Variants in MCTP1 observed in about 807,000 individuals in gnomAD.
MCTP1 encodes the protein multiple C2 and transmembrane domain-containing protein 1.
MCTP1 carries 69 observed loss-of-function variants against 120.6 expected under a neutral mutation model. The observed-to-expected ratio is 0.57, with a 90% CI of 0.47 to 0.70. The LOEUF (loss-of-function observed/expected upper bound fraction) is 0.70, where lower values mean the gene tolerates loss of function less well. Among genes scored for constraint, MCTP1 ranks in the 30% least tolerant of loss-of-function variants. The pLI, the probability that MCTP1 is intolerant of heterozygous loss-of-function variation, is 0.00. For synonymous variants in MCTP1, 529 were observed against 493.1 expected, an observed-to-expected ratio of 1.07 and a Z score of -0.96; for missense variants, 1,203 against 1,248.8, an observed-to-expected ratio of 0.96 and a Z score of 0.55.
At chr5:94,725,399 G>A (rs1163544214) in intron 19 of MCTP1, among the ~76,000 whole-genome samples, 1 of 152,188 alleles carries the variant, frequency 6.6e-6, no homozygotes, top group Admixed American at 6.5e-5. Flanking sequence ...GAATACCAAA[G>A]CTTGAGTGAG....
At chr5:95,270,931 CA>C (rs10655109) in intron 1 of MCTP1, among the ~76,000 whole-genome samples, 7 of 145,566 alleles carry the variant, frequency 4.8e-5, no homozygotes, top group Non-Finnish European at 9.0e-5. Context: ...CTCTCTCTCT[CA>C]AAAAAAAAAT....
chr5:95,080,249 G>T (rs1014864055), intron 1 of MCTP1, among the ~76,000 whole-genome samples: 3 of 152,112 alleles, frequency 2.0e-5, no homozygotes, highest in African/African-American at 7.2e-5. Context: ...TGTGGCAATG[G>T]CTAAGAAATT....
chr5:94,710,095 A>ATATTATTAATGTTAT (rs1429612909), intron 21 of MCTP1: 2 of 152,104 alleles, frequency 1.3e-5, no homozygotes, highest in Non-Finnish European at 2.9e-5. Flanking sequence ...TCTAGTTTAT[A>ATATTATTAATGTTAT]TATTATTAAT....
intron 1 of MCTP1, among the ~76,000 whole-genome samples, chr5:95,239,701 CTCT>C (rs1442999235): frequency 6.6e-6 from 1 of 152,124 alleles, no homozygotes; most frequent in African/African-American, 2.4e-5. Context: ...GTTTACTACT[CTCT>C]TCTTTGCTTT....
rs1194395850 is a variant in MCTP1, at chr5:94,866,928, T to C, written c.2436+1405A>G. Among the ~76,000 whole-genome samples, 3 of 151,928 alleles carry C rather than the reference T, an allele frequency of 2.0e-5. No homozygotes were observed. In the South Asian group the frequency reaches 6.2e-4, roughly 31 times the overall value. ...ATACAATTATATGCATTTCTGGTCT[T>C]TTCAAATTTTACAAATAGCTGTGAG... On this transcript the variant is annotated intron_variant, in intron 17 of 22. Coordinates refer to ENST00000515393, the MANE Select transcript of MCTP1 (RefSeq NM_024717.7).
At chr5:94,964,421 T>A (rs1396881650) in intron 2 of MCTP1, among the ~76,000 whole-genome samples, 1 of 152,144 alleles carries the variant, frequency 6.6e-6, no homozygotes, top group African/African-American at 2.4e-5. Context: ...TCTGTCTAGA[T>A]GATCTGTTCA....
At chr5:95,013,759 G>A (rs1030068687) in intron 2 of MCTP1, among the ~76,000 whole-genome samples, 1 of 152,114 alleles carries the variant, frequency 6.6e-6, no homozygotes, top group Non-Finnish European at 1.5e-5. Flanking sequence ...TGATGAAGAT[G>A]TACAAGGAGA....
chr5:94,829,851 T>G (rs1788133004), intron 17 of MCTP1, among the ~76,000 whole-genome samples: 1 of 152,228 alleles, frequency 6.6e-6, no homozygotes, highest in Non-Finnish European at 1.5e-5. Context: ...GGTTCAGCCC[T>G]GAGTATTAGC....
At chr5:94,796,613 T>C (rs1374806562) in intron 18 of MCTP1, among the ~76,000 whole-genome samples, 1 of 94,392 alleles carries the variant, frequency 1.1e-5, no homozygotes, top group Non-Finnish European at 2.2e-5. Flanking sequence ...ATAATATATA[T>C]AATATATATA....
intron 1 of MCTP1, among the ~76,000 whole-genome samples, chr5:95,198,394 T>A (rs999712849): frequency 1.3e-5 from 2 of 152,150 alleles, no homozygotes; most frequent in Non-Finnish European, 2.9e-5. Flanking sequence ...CACACAACCA[T>A]CCTGTTTTTC....
At chr5:95,232,158 T>TAAAAA (rs35731165) in intron 1 of MCTP1, among the ~76,000 whole-genome samples, 2 of 66,976 alleles carry the variant, frequency 3.0e-5, no homozygotes, top group Non-Finnish European at 6.0e-5. Flanking sequence ...AAGTGATCAC[T>TAAAAA]AAAAAAAAAA....
At chr5:94,859,485 G>T (rs1489595665) in intron 17 of MCTP1, among the ~76,000 whole-genome samples, 2 of 151,688 alleles carry the variant, frequency 1.3e-5, no homozygotes, top group Non-Finnish European at 2.9e-5. Flanking sequence ...AATGTTCGAG[G>T]TGCTGCTTAT....
At chr5:95,268,191 C>T (rs1759061990) in intron 1 of MCTP1, among the ~76,000 whole-genome samples, 1 of 152,200 alleles carries the variant, frequency 6.6e-6, no homozygotes, top group Non-Finnish European at 1.5e-5. Flanking sequence ...AGATCGTAAG[C>T]TCTATGTGAG....
At chr5:95,170,454 C>T (rs1282134475) in intron 1 of MCTP1, among the ~76,000 whole-genome samples, 1 of 152,140 alleles carries the variant, frequency 6.6e-6, no homozygotes, top group East Asian at 1.9e-4. Context: ...GAGTTCAATT[C>T]CTGAATATCC....
intron 1 of MCTP1, among the ~76,000 whole-genome samples, chr5:95,166,376 A>T (rs903551298): frequency 6.6e-6 from 1 of 152,200 alleles, no homozygotes; most frequent in Admixed American, 6.5e-5. Context: ...TGTCATAAAA[A>T]TGCAGGTAAG....
intron 17 of MCTP1, among the ~76,000 whole-genome samples, chr5:94,830,573 T>A (rs550622986): frequency 3.9e-5 from 6 of 152,346 alleles, no homozygotes; most frequent in African/African-American, 1.4e-4. Flanking sequence ...GTCATACTGA[T>A]GGTCTTTCAT....
chr5:94,920,524 C>T (rs964091118), intron 7 of MCTP1, among the ~76,000 whole-genome samples: 9 of 151,796 alleles, frequency 5.9e-5, no homozygotes, highest in African/African-American at 4.8e-5. Flanking sequence ...GGGCAGATCA[C>T]GAGGTCAGGA....
chr5:95,213,464 A>G (rs951656516), intron 1 of MCTP1, among the ~76,000 whole-genome samples: 12 of 152,220 alleles, frequency 7.9e-5, no homozygotes, highest in African/African-American at 2.9e-4. Context: ...ATTCAATGCC[A>G]TCCCCATCAA....
At chr5:95,163,719 A>T (rs1746004269) in intron 1 of MCTP1, among the ~76,000 whole-genome samples, 1 of 152,180 alleles carries the variant, frequency 6.6e-6, no homozygotes, top group South Asian at 2.1e-4. Flanking sequence ...TAATGGTGAA[A>T]GAGAAGTTAG....
Sources: allele counts gnomAD v4.1 joint callset (sites outside exome capture counted in the v4.1 genomes callset), GRCh38; gene constraint gnomAD v4.1.1; transcripts MANE v1.5; gene names NCBI Gene and HGNC (gene_info 2026-07-23, HGNC 2026-07-21).